The following RANBP2 variants were observed in gnomAD, a reference collection of about 807,000 sequenced individuals.
RANBP2 encodes RAN binding protein 2.
A neutral mutation model predicts 303.6 loss-of-function variants in RANBP2; 57 were observed. The observed-to-expected ratio is 0.19, with a 90% CI of 0.15 to 0.23. The LOEUF (loss-of-function observed/expected upper bound fraction) is 0.23, where lower values mean the gene tolerates loss of function less well. Among genes scored for constraint, RANBP2 ranks in the 10% least tolerant of loss-of-function variants. RANBP2 has a pLI of 1.00. For synonymous variants in RANBP2, 1,167 were observed against 1,301.5 expected (o/e 0.90, Z 2.23); for missense variants, 3,138 against 3,780.8 (o/e 0.83, Z 4.46).
the RANBP2 span, among the ~76,000 whole-genome samples, chr2:108,959,712 G>C: frequency 4.0e-4 from 61 of 152,138 alleles, no homozygotes; most frequent in Non-Finnish European, 3.2e-4. Context: ...TGGAGATTTC[G>C]CCTTTCCCCA....
chr2:109,633,394 A>G, the RANBP2 span, among the ~76,000 whole-genome samples: 1 of 150,752 alleles, frequency 6.6e-6, no homozygotes, highest in Non-Finnish European at 1.5e-5. Flanking sequence ...CTCCATCTCA[A>G]AAAACAAAAC....
the RANBP2 span, chr2:109,613,894 G>C: frequency 4.1e-6 from 5 of 1,229,402 alleles, no homozygotes; most frequent in African/African-American, 1.6e-5. Flanking sequence ...TCCCGGCGAC[G>C]GCGGCGGGAA....
At chr2:109,142,202 G>A in the RANBP2 span, among the ~76,000 whole-genome samples, 4 of 152,138 alleles carry the variant, frequency 2.6e-5, no homozygotes, top group Admixed American at 6.5e-5. Flanking sequence ...GGACTCTTGC[G>A]CCTTTGTGAC....
At chr2:109,576,090 A>G in the RANBP2 span, among the ~76,000 whole-genome samples, 4 of 151,914 alleles carry the variant, frequency 2.6e-5, no homozygotes, top group East Asian at 7.8e-4. Flanking sequence ...CGAGACCCCC[A>G]TCTCTACTAA....
chr2:109,047,944 G>T, the RANBP2 span, among the ~76,000 whole-genome samples: 17 of 152,318 alleles, frequency 1.1e-4, no homozygotes, highest in East Asian at 2.5e-3. Context: ...AGCAAACTAG[G>T]CTGGCCTGTG....
chr2:108,861,315 GTCTCAACTTCATTTAGTTCT>G, the RANBP2 span, among the ~76,000 whole-genome samples: 2 of 151,586 alleles, frequency 1.3e-5, no homozygotes, highest in African/African-American at 4.8e-5. Context: ...AGTTCTTTTA[GTCTCAACTTCATTTAGTTCT>G]GCTGTTTTTA....
the RANBP2 span, among the ~76,000 whole-genome samples, chr2:109,292,314 G>A: frequency 6.6e-6 from 1 of 152,212 alleles, no homozygotes; most frequent in African/African-American, 2.4e-5. Flanking sequence ...CCTTGTTAGT[G>A]TATTGGGGTT....
intron 6 of RANBP2, among the ~76,000 whole-genome samples, chr2:108,738,446 ACCTTC>A (rs1695805716): frequency 1.3e-5 from 2 of 151,234 alleles, no homozygotes; most frequent in Non-Finnish European, 1.5e-5. Context: ...CAATCTCTTG[ACCTTC>A]CAGTACCTTG....
At chr2:109,038,321 T>G in the RANBP2 span, among the ~76,000 whole-genome samples, 1 of 152,116 alleles carries the variant, frequency 6.6e-6, no homozygotes, top group Non-Finnish European at 1.5e-5. Context: ...ATATATGAAT[T>G]GAACCTCAGC....
At chr2:109,334,341 GT>G in the RANBP2 span, among the ~76,000 whole-genome samples, 66,410 of 127,972 alleles carry the variant, frequency 0.52, 17,867 homozygotes, top group Non-Finnish European at 0.62. Flanking sequence ...TTGGGTGACA[GT>G]TTTTTTTTTT....
intron 1 of RANBP2, 89 bp downstream of exon 1, chr2:108,719,767 G>C (rs1401347620): frequency 1.3e-6 from 2 of 1,535,408 alleles, no homozygotes; most frequent in Admixed American, 4.1e-5. Context: ...GACGGGCGCT[G>C]CTCCCTGGCG....
At chr2:109,680,187 C>CAAAA in the RANBP2 span, among the ~76,000 whole-genome samples, 122 of 127,620 alleles carry the variant, frequency 9.6e-4, 1 homozygote, top group African/African-American at 3.4e-3. Flanking sequence ...ACTAAAAATA[C>CAAAA]AAAAAAAAAA....
chr2:108,824,855 A>T, the RANBP2 span, among the ~76,000 whole-genome samples: 1 of 152,186 alleles, frequency 6.6e-6, no homozygotes, highest in Non-Finnish European at 1.5e-5. Flanking sequence ...AGTGATAGGA[A>T]TTTTTAGCTG....
chr2:108,959,281 G>C, the RANBP2 span, among the ~76,000 whole-genome samples: 1 of 152,184 alleles, frequency 6.6e-6, no homozygotes, highest in Non-Finnish European at 1.5e-5. Context: ...TGTGGTCTGC[G>C]ATCTGGGAAC....
chr2:108,846,843 A>G, the RANBP2 span: 2 of 1,613,440 alleles, frequency 1.2e-6, no homozygotes, highest in South Asian at 1.1e-5. Flanking sequence ...TGTGGAGAAT[A>G]AACCAAAGAC....
At chr2:109,330,361 T>A in the RANBP2 span, among the ~76,000 whole-genome samples, 2 of 152,266 alleles carry the variant, frequency 1.3e-5, no homozygotes, top group African/African-American at 4.8e-5. Context: ...TTCCTTCTTT[T>A]TTTTTTCTTG....
chr2:109,306,474 G>A, the RANBP2 span, among the ~76,000 whole-genome samples: 1 of 152,208 alleles, frequency 6.6e-6, no homozygotes, highest in Non-Finnish European at 1.5e-5. Flanking sequence ...AGGTATGGGA[G>A]CAGAGCAGGT....
chr2:109,067,692 C>T, the RANBP2 span, among the ~76,000 whole-genome samples: 2 of 152,208 alleles, frequency 1.3e-5, no homozygotes, highest in Non-Finnish European at 1.5e-5. Flanking sequence ...GACTCTGCCC[C>T]TGCTCCCCAA....
At chr2:109,553,227 G>C in the RANBP2 span, 7 of 1,612,926 alleles carry the variant, frequency 4.3e-6, no homozygotes, top group Non-Finnish European at 5.9e-6. Context: ...ACACTAAAAA[G>C]TTATTTGTGT....
Sources: allele counts gnomAD v4.1 joint callset (sites outside exome capture counted in the v4.1 genomes callset), GRCh38; gene constraint gnomAD v4.1.1; transcripts MANE v1.5; gene names NCBI Gene and HGNC (gene_info 2026-07-23, HGNC 2026-07-21).